Variants in NAPA observed in about 807,000 individuals in gnomAD.
NAPA encodes alpha-soluble NSF attachment protein.
A neutral mutation model predicts 48.0 loss-of-function variants in NAPA; 18 were observed. The observed-to-expected ratio is 0.38, with a 90% confidence interval of 0.26 to 0.56. The LOEUF is 0.56. Among genes scored for constraint, NAPA ranks in the 20% least tolerant of loss-of-function variants. The pLI, the probability that NAPA is intolerant of heterozygous loss-of-function variation, is 0.77. For missense variants in NAPA, 315 were observed against 385.0 expected, an observed-to-expected ratio of 0.82 and a Z score of 1.52; for synonymous variants, 152 against 149.9, an observed-to-expected ratio of 1.01 and a Z score of -0.10.
intron 3 of NAPA, chr19:47,496,827 A>C (rs1018648993): frequency 4.4e-6 from 2 of 455,786 alleles, no homozygotes; most frequent in Non-Finnish European, 8.8e-6. Context: ...TCTGACATGT[A>C]AACAGTGGGG....
Position 47,506,803 on chromosome 19 carries a change from C to A in NAPA, c.99-3301G>T, listed in dbSNP as rs8108441. 0.12 allele frequency: 17,911 copies of A among 152,384 alleles called. 1,195 individuals are homozygous for A. Among genetic ancestry groups the A allele is most frequent in the East Asian group, 0.22 (1,145 of 5,164 alleles). 9.4% of individuals were successfully genotyped at this position (152,384 alleles called of 1,614,324 possible). On this transcript the variant is annotated intron_variant, in intron 1 of 10. Transcript: ENST00000263354. This position sits in a 1 kb window ranked among gnomAD's most constrained non-coding sequence, Gnocchi z 4.0. ...CAGGCCCCAGGCTTGCCTCCTTCTT[C>A]CCCTGCACCCCGCGGTCTTGCCCAT...
chr19:47,503,512 A>C lies in NAPA; in HGVS notation c.99-10T>G. Reference sequence around the variant, plus strand: ...TATTTTGGATGAGCCTCTGGGGAAAAAGGAAAGAAAAAAAGGAGACAATCT... The same window carrying C: ...TATTTTGGATGAGCCTCTGGGGAAACAGGAAAGAAAAAAAGGAGACAATCT... On this transcript the variant is annotated splice_polypyrimidine_tract_variant and intron_variant, in intron 1 of 10. Transcript: ENST00000263354. The C allele has an allele frequency of 6.2e-7, 1 of 1,613,320 alleles. No individual in the cohort carries two copies. The highest frequency in any genetic ancestry group is 8.5e-7 in the Non-Finnish European group (1 of 1,179,226).
chr19:47,491,896 G>T, intron 8 of NAPA, 119 bp downstream of exon 8: 1 of 856,486 alleles, frequency 1.2e-6, no homozygotes, highest in Non-Finnish European at 1.9e-6. Context: ...CCAAAGGCTG[G>T]CTGGCAGGGG....
intron 7 of NAPA, 56 bp from the exon 8 acceptor site, chr19:47,492,175 G>A (rs1158113213): frequency 1.3e-6 from 2 of 1,505,612 alleles, no homozygotes; most frequent in Non-Finnish European, 9.2e-7. Context: ...CAGAGGGCCA[G>A]AGCCACTGCC....
chr19:47,513,921 C>A (rs1599923288), intron 1 of NAPA, among the ~76,000 whole-genome samples: 1 of 44,032 alleles, frequency 2.3e-5, no homozygotes, highest in African/African-American at 4.4e-5. Context: ...TCGATCTCGG[C>A]TCACTGCAAC....
rs1017536633 is a variant in NAPA at position 47,503,571 on chromosome 19, T to C, written c.99-69A>G. The C allele has an allele frequency of 8.8e-6, 13 of 1,472,154 alleles. No homozygotes were observed. The African/African-American group carries it at 1.8e-4, about 20-fold the overall frequency. 91.2% of individuals were successfully genotyped at this position (1,472,154 alleles called of 1,614,324 possible). On this transcript the variant is annotated intron_variant, in intron 1 of 10. Coordinates refer to ENST00000263354, the MANE Select transcript of NAPA (RefSeq NM_003827.4). Reference sequence around the variant, plus strand: ...ATCCAGGAGAAAGCAAGCATTCTGCTCCAGTGCCGGGCACAGACGTGCCCC... The same window carrying C: ...ATCCAGGAGAAAGCAAGCATTCTGCCCCAGTGCCGGGCACAGACGTGCCCC...
At chr19:47,496,713 C>G (rs1197916505) in intron 3 of NAPA, 18 of 322,334 alleles carry the variant, frequency 5.6e-5, no homozygotes, top group African/African-American at 2.2e-5. Flanking sequence ...TCAAGGGGCT[C>G]ACGGTCTGGA....
chr19:47,513,297 C>T (rs1209729464), intron 1 of NAPA, among the ~76,000 whole-genome samples: 1 of 152,244 alleles, frequency 6.6e-6, no homozygotes, highest in Non-Finnish European at 1.5e-5. Context: ...GACCTCTCCG[C>T]TCGGGCGTCC....
At chr19:47,513,121 A>C (rs1599922480) in intron 1 of NAPA, among the ~76,000 whole-genome samples, 3 of 148,960 alleles carry the variant, frequency 2.0e-5, no homozygotes, top group African/African-American at 2.5e-5. Context: ...AGATCCCACC[A>C]CCTCCCACAC....
rs1381723038 is a variant in NAPA, at chr19:47,493,918, G to A, written c.343-425C>T. Among the ~76,000 whole-genome samples, 1 of 152,198 alleles carries A rather than the reference G, an allele frequency of 6.6e-6. No individual in the cohort carries two copies. Among genetic ancestry groups the A allele is most frequent in the Non-Finnish European group, 1.5e-5 (1 of 68,030 alleles). On this transcript the variant is annotated intron_variant, in intron 4 of 10. Coordinates refer to ENST00000263354, the MANE Select transcript of NAPA (RefSeq NM_003827.4). This position sits in a 1 kb window ranked among gnomAD's most constrained non-coding sequence, Gnocchi z 6.4. ...TCTGGAGAAACCAGGATGGGAGGGA[G>A]GGCTTGAGACCTCTGCCCAAGAGTA...
Position 47,492,131 on chromosome 19 carries a change from G to A in NAPA, c.562-12C>T, listed in dbSNP as rs1599894610. On this transcript the variant is annotated splice_polypyrimidine_tract_variant and intron_variant, in intron 7 of 10. Coordinates refer to ENST00000263354, the MANE Select transcript of NAPA (RefSeq NM_003827.4). Reference sequence around the variant, plus strand: ...GCATTGGTCCCCACCTGTAGCCATGGAGAAGTGGCACTGGTGAGCTCAGGG... The same window carrying A: ...GCATTGGTCCCCACCTGTAGCCATGAAGAAGTGGCACTGGTGAGCTCAGGG... The A allele has an allele frequency of 3.1e-6, 5 of 1,610,774 alleles. No homozygotes were observed. Among genetic ancestry groups the A allele is most frequent in the East Asian group, 2.2e-5 (1 of 44,834 alleles).
chr19:47,507,775 C>T (rs145836534), intron 1 of NAPA, among the ~76,000 whole-genome samples: 3 of 152,332 alleles, frequency 2.0e-5, no homozygotes, highest in African/African-American at 4.8e-5. Flanking sequence ...AAGGAGCCCA[C>T]AGCTCCTCAC....
chr19:47,510,995 A>G (rs1210345651), intron 1 of NAPA, among the ~76,000 whole-genome samples: 1 of 152,178 alleles, frequency 6.6e-6, no homozygotes, highest in East Asian at 1.9e-4. Flanking sequence ...AATGAAGAGC[A>G]AGGGTGGCAT....
intron 3 of NAPA, among the ~76,000 whole-genome samples, chr19:47,497,679 G>A (rs1176245058): frequency 1.3e-5 from 2 of 152,202 alleles, no homozygotes; most frequent in Admixed American, 6.5e-5. Flanking sequence ...GCCCATCCCC[G>A]CAGTCACTCC....
chr19:47,488,222 G>C lies in NAPA; in HGVS notation c.*66C>G, dbSNP rs1164739062. The C allele has an allele frequency of 4.1e-6, 6 of 1,453,172 alleles. No individual in the cohort carries two copies. Among genetic ancestry groups the C allele is most frequent in the Non-Finnish European group, 5.7e-6 (6 of 1,049,856 alleles). 90.0% of individuals were successfully genotyped at this position (1,453,172 alleles called of 1,614,324 possible). ...GGAAAGGAGGGAAGCTCTCCAGCAA[G>C]TCTCGGCCCCACCTCTCTCTGAGCA... On this transcript the variant is annotated 3_prime_UTR_variant, in exon 11 of 11. Coordinates refer to ENST00000263354, the MANE Select transcript of NAPA (RefSeq NM_003827.4).
chr19:47,509,334 TAAAATA>T lies in NAPA; in HGVS notation c.98+5503_98+5508del, dbSNP rs1478454151. Reference sequence around the variant, plus strand: ...TAAAATAAAATAAAATAAAATAAAATAAAATAAAATAAAATAAATAAAATAAAATAA... The same window carrying T: ...TAAAATAAAATAAAATAAAATAAAATAAATAAAATAAATAAAATAAAATAA... On this transcript the variant is annotated intron_variant, in intron 1 of 10. Transcript: ENST00000263354. Among the ~76,000 whole-genome samples the T allele has an allele frequency of 6.2e-5, 5 of 80,196 alleles. No individual in the cohort carries two copies. In the East Asian group the frequency reaches 1.6e-3, roughly 25 times the overall value. The allele number at this position is 80,196 out of a possible 152,430, so 52.6% of individuals were successfully genotyped here.
chr19:47,505,082 A>G (rs1968667771), intron 1 of NAPA, among the ~76,000 whole-genome samples: 1 of 152,152 alleles, frequency 6.6e-6, no homozygotes, highest in South Asian at 2.1e-4. Context: ...TCTGCCCTTA[A>G]TAATACAACC....
chr19:47,493,695 G>A lies in NAPA; in HGVS notation c.343-202C>T, dbSNP rs370189529. ...CCCAGCACTAGAGGCCTGGCTATGC[G>A]TGCTGGGCTGAGCGGGTGATGTTGG... On this transcript the variant is annotated intron_variant, in intron 4 of 10. Coordinates refer to ENST00000263354, the MANE Select transcript of NAPA (RefSeq NM_003827.4). The surrounding 1 kb of genome is among the most constrained non-coding windows in gnomAD (Gnocchi z 6.4). 17 of 590,948 alleles carry A rather than the reference G, an allele frequency of 2.9e-5. No homozygotes were observed. The highest frequency in any genetic ancestry group is 5.8e-5 in the South Asian group (3 of 51,392). The allele number at this position is 590,948 out of a possible 1,614,324, so 36.6% of individuals were successfully genotyped here.
intron 9 of NAPA, among the ~76,000 whole-genome samples, chr19:47,490,021 G>A (rs1599889678): frequency 6.6e-6 from 1 of 151,724 alleles, no homozygotes; most frequent in East Asian, 1.9e-4. Flanking sequence ...GTGTGTGTGG[G>A]TATGGGGGGT....
Sources: gnomAD v4.1 joint callset for allele counts (sites outside exome capture counted in the v4.1 genomes callset) on GRCh38, gnomAD v4.1.1 for gene constraint, Gnocchi (gnomAD v3.1) non-coding constraint, MANE v1.5 for transcripts, NCBI Gene and HGNC (gene_info 2026-07-23, HGNC 2026-07-21) for gene names.